Variants in PTPRD observed in about 807,000 individuals in gnomAD.
PTPRD encodes the protein receptor-type tyrosine-protein phosphatase delta.
PTPRD carries 34 observed loss-of-function variants against 214.5 expected under a neutral mutation model. The ratio of observed to expected loss-of-function variants is 0.16; its 90% CI spans 0.12 to 0.21. PTPRD has a LOEUF of 0.21. PTPRD is among the 10% of genes least tolerant of loss of function. PTPRD has a pLI of 1.00. For missense variants in PTPRD, 2,545 were observed against 2,398.7 expected, an observed-to-expected ratio of 1.06 and a Z score of -1.27; for synonymous variants, 1,128 against 845.7, an observed-to-expected ratio of 1.33 and a Z score of -5.79.
intron 9 of PTPRD, among the ~76,000 whole-genome samples, chr9:9,256,156 A>C (rs1218217421): frequency 6.6e-6 from 1 of 152,040 alleles, no homozygotes; most frequent in Non-Finnish European, 1.5e-5. Context: ...TTAGAAATGA[A>C]TGACAGAGCC....
At position 8,751,258 on chromosome 9, in the gene PTPRD, T is replaced by G. The variant is rs538352938; in HGVS notation, c.-103-17312A>C. 8.5e-5 allele frequency among the ~76,000 whole-genome samples: 13 copies of G among 152,288 alleles called. No individual in the cohort carries two copies. The South Asian group carries it at 2.5e-3, about 29-fold the overall frequency. On this transcript the variant is annotated intron_variant, in intron 11 of 45. Coordinates refer to ENST00000381196, the MANE Select transcript of PTPRD (RefSeq NM_002839.4). ...TAGAATTTTTACTTAAAAAGTAAAGTACCTGACATTAGTTCTCATTTGCGT... is the reference window on the plus strand; with the variant it reads ...TAGAATTTTTACTTAAAAAGTAAAGGACCTGACATTAGTTCTCATTTGCGT...
intron 9 of PTPRD, among the ~76,000 whole-genome samples, chr9:9,197,535 C>G (rs1166784600): frequency 6.6e-6 from 1 of 152,120 alleles, no homozygotes; most frequent in Non-Finnish European, 1.5e-5. Flanking sequence ...CCCACCCTCT[C>G]GAGTAGCTGG....
rs543176784 is a variant in PTPRD, at chr9:9,052,696, T to A, written c.-142-33961A>T. Reference sequence around the variant, plus strand: ...TCAAAGGCAATTGTTGATGTTCCAATTCACTGGATTATACTGTCCACATAA... The same window carrying A: ...TCAAAGGCAATTGTTGATGTTCCAAATCACTGGATTATACTGTCCACATAA... On this transcript the variant is annotated intron_variant, in intron 10 of 45. Transcript: ENST00000381196. Among the ~76,000 whole-genome samples the A allele has an allele frequency of 5.9e-5, 9 of 152,346 alleles. No individual in the cohort carries two copies. In the South Asian group the frequency reaches 1.7e-3, roughly 28 times the overall value.
intron 9 of PTPRD, among the ~76,000 whole-genome samples, chr9:9,325,324 G>A (rs1418674813): frequency 3.9e-5 from 6 of 152,150 alleles, no homozygotes; most frequent in South Asian, 2.1e-4. Context: ...CTATCCATGA[G>A]CATGGAATGT....
chr9:9,858,596 C>T (rs2062020051), intron 5 of PTPRD, among the ~76,000 whole-genome samples: 2 of 152,150 alleles, frequency 1.3e-5, no homozygotes, highest in Non-Finnish European at 2.9e-5. Flanking sequence ...GAACATGAAG[C>T]AGCAGTTAGC....
chr9:9,264,026 G>C (rs1019745115), intron 9 of PTPRD, among the ~76,000 whole-genome samples: 2 of 151,630 alleles, frequency 1.3e-5, no homozygotes, highest in Non-Finnish European at 3.0e-5. Context: ...AGTTTGTTTG[G>C]TGAAGGTATT....
intron 9 of PTPRD, among the ~76,000 whole-genome samples, chr9:9,200,923 C>T (rs1281340176): frequency 1.3e-5 from 2 of 152,138 alleles, no homozygotes; most frequent in African/African-American, 4.8e-5. Context: ...TCAAAAGAAG[C>T]TATTATTAAA....
chr9:10,485,922 C>T (rs1263575064), intron 2 of PTPRD, among the ~76,000 whole-genome samples: 3 of 152,022 alleles, frequency 2.0e-5, no homozygotes, highest in African/African-American at 4.8e-5. Context: ...GTATCAGTTG[C>T]AGTATCTCCT....
At chr9:8,554,285 T>C (rs1258336343) in intron 14 of PTPRD, among the ~76,000 whole-genome samples, 1 of 152,122 alleles carries the variant, frequency 6.6e-6, no homozygotes, top group Admixed American at 6.5e-5. Context: ...GATTCTGAGT[T>C]ATGAGGAAGA....
chr9:9,880,044 A>G (rs904418260), intron 5 of PTPRD, among the ~76,000 whole-genome samples: 6 of 151,906 alleles, frequency 3.9e-5, no homozygotes, highest in African/African-American at 1.5e-4. Context: ...CCACATGTCG[A>G]GGGGGGGACC....
chr9:8,370,207 T>TATACACAC (rs1183827035), intron 39 of PTPRD, among the ~76,000 whole-genome samples: 7 of 81,974 alleles, frequency 8.5e-5, no homozygotes, highest in African/African-American at 2.6e-4. Context: ...CATATATATA[T>TATACACAC]ACACACACAC....
intron 3 of PTPRD, among the ~76,000 whole-genome samples, chr9:10,333,709 G>C (rs552509684): frequency 6.6e-6 from 1 of 151,734 alleles, no homozygotes; most frequent in Admixed American, 6.6e-5. Context: ...GAGTTTATTT[G>C]ATTCTTGCAA....
intron 11 of PTPRD, among the ~76,000 whole-genome samples, chr9:8,740,908 C>G (rs1410051468): frequency 6.6e-6 from 1 of 152,012 alleles, no homozygotes; most frequent in African/African-American, 2.4e-5. Context: ...TTTAAGAATA[C>G]CCGAAGAGTA....
chr9:9,935,007 C>T (rs192489389), intron 5 of PTPRD, among the ~76,000 whole-genome samples: 3 of 152,164 alleles, frequency 2.0e-5, no homozygotes, highest in Admixed American at 6.5e-5. Flanking sequence ...ACAGAAAAGG[C>T]CTTTGACAAA....
intron 7 of PTPRD, among the ~76,000 whole-genome samples, chr9:9,632,323 A>G (rs769159232): frequency 1.3e-5 from 2 of 152,138 alleles, no homozygotes; most frequent in African/African-American, 2.4e-5. Context: ...TAAATGATTC[A>G]TGTAAATGTT....
chr9:9,033,244 G>T (rs1295513829), intron 10 of PTPRD, among the ~76,000 whole-genome samples: 3 of 152,120 alleles, frequency 2.0e-5, no homozygotes, highest in Non-Finnish European at 4.4e-5. Flanking sequence ...GTGTGACAGA[G>T]TTAGAAACAC....
At chr9:8,611,332 G>A (rs889349403) in intron 14 of PTPRD, among the ~76,000 whole-genome samples, 5 of 152,150 alleles carry the variant, frequency 3.3e-5, no homozygotes, top group African/African-American at 1.2e-4. Context: ...CTATCCTTAT[G>A]ATGACGTCAC....
chr9:10,450,138 G>A (rs1227855124), intron 2 of PTPRD, among the ~76,000 whole-genome samples: 3 of 151,680 alleles, frequency 2.0e-5, no homozygotes, highest in Admixed American at 6.5e-5. Flanking sequence ...AGGAAAACCA[G>A]AGACCCTTGT....
At chr9:8,586,773 A>G (rs2093689872) in intron 14 of PTPRD, among the ~76,000 whole-genome samples, 1 of 152,212 alleles carries the variant, frequency 6.6e-6, no homozygotes, top group African/African-American at 2.4e-5. Context: ...AATATTTTAT[A>G]TTAATACTAG....
Sources: gnomAD v4.1 joint callset for allele counts (sites outside exome capture counted in the v4.1 genomes callset) on GRCh38, gnomAD v4.1.1 for gene constraint, MANE v1.5 for transcripts, NCBI Gene and HGNC (gene_info 2026-07-23, HGNC 2026-07-21) for gene names.